SMIM36: variants seen among roughly 807,000 people sequenced by gnomAD.
The protein encoded by SMIM36 is small integral membrane protein 36.
intron 4 of SMIM36, among the ~76,000 whole-genome samples, chr17:55,452,478 T>C (rs1249101406): frequency 6.6e-6 from 1 of 152,178 alleles, no homozygotes; most frequent in Non-Finnish European, 1.5e-5. Flanking sequence ...ACCTCGGCCA[T>C]GGATTTCAAA....
chr17:55,484,583 T>C (rs571150420), intron 1 of SMIM36, among the ~76,000 whole-genome samples: 1 of 152,286 alleles, frequency 6.6e-6, no homozygotes, highest in African/African-American at 2.4e-5. Flanking sequence ...CAGAACCATC[T>C]GGGAAGAATT....
rs1386648245 is a variant in SMIM36 at position 55,503,691 on chromosome 17, A to G, written c.*174+7188T>C. Reference sequence around the variant, plus strand: ...CTAACGAGCAAAATCACCAGCTAACATCATAATGACAGGATCAAATTCACA... The same window carrying G: ...CTAACGAGCAAAATCACCAGCTAACGTCATAATGACAGGATCAAATTCACA... On this transcript the variant is annotated intron_variant, in intron 1 of 4. Coordinates refer to ENST00000636752, the Ensembl canonical transcript of SMIM36. 3.8e-5 allele frequency among the ~76,000 whole-genome samples: 5 copies of G among 130,142 alleles called. No homozygotes were observed. The South Asian group carries it at 1.1e-3, about 29-fold the overall frequency. The allele number at this position is 130,142 out of a possible 152,430, so 85.4% of individuals were successfully genotyped here. A position where few individuals can be genotyped will look rare whatever the true frequency, so the allele number is the denominator to read the frequency against.
At chr17:55,518,277 C>T in the SMIM36 span, among the ~76,000 whole-genome samples, 73,232 of 151,944 alleles carry the variant, frequency 0.48, 17,907 homozygotes, top group Middle Eastern at 0.51. Context: ...ATAACTAACC[C>T]ACTCCCACAA....
chr17:55,471,982 T>A (rs984294270), intron 3 of SMIM36, among the ~76,000 whole-genome samples: 26 of 152,214 alleles, frequency 1.7e-4, no homozygotes, highest in African/African-American at 5.8e-4. Context: ...CCTGTCATAT[T>A]TATTGTCTGC....
At chr17:55,458,943 G>T (rs898861632) in intron 4 of SMIM36, among the ~76,000 whole-genome samples, 1 of 152,226 alleles carries the variant, frequency 6.6e-6, no homozygotes, top group Non-Finnish European at 1.5e-5. Context: ...CTCTGTCCTT[G>T]TGATAAGGAA....
At chr17:55,469,570 A>T (rs1174653999) in intron 3 of SMIM36, among the ~76,000 whole-genome samples, 2 of 152,194 alleles carry the variant, frequency 1.3e-5, no homozygotes, top group Non-Finnish European at 2.9e-5. Context: ...GACTTAATTA[A>T]CCTTGCCTTT....
chr17:55,466,291 A>AAG (rs1216131599), intron 4 of SMIM36, among the ~76,000 whole-genome samples: 1 of 151,222 alleles, frequency 6.6e-6, no homozygotes, highest in Non-Finnish European at 1.5e-5. Context: ...AAAAAAAAAA[A>AAG]AAAAAAAAAA....
At chr17:55,524,468 G>GT in the SMIM36 span, among the ~76,000 whole-genome samples, 1 of 152,064 alleles carries the variant, frequency 6.6e-6, no homozygotes, top group African/African-American at 2.4e-5. Context: ...AATGGTATTT[G>GT]TTTTTTAGCT....
At chr17:55,511,850 C>T (rs1910187453), upstream of SMIM36, among the ~76,000 whole-genome samples, 1 of 152,290 alleles carries the variant, frequency 6.6e-6, no homozygotes, top group Non-Finnish European at 1.5e-5. Flanking sequence ...GAAGAAGATA[C>T]TAGTGCCTGA....
At chr17:55,516,766 G>T in the SMIM36 span, among the ~76,000 whole-genome samples, 1 of 151,914 alleles carries the variant, frequency 6.6e-6, no homozygotes, top group Non-Finnish European at 1.5e-5. Context: ...CACCATATTG[G>T]CCAGGCTGGT....
chr17:55,456,728 A>G (rs1222434099), intron 4 of SMIM36, among the ~76,000 whole-genome samples: 1 of 152,174 alleles, frequency 6.6e-6, no homozygotes, highest in Non-Finnish European at 1.5e-5. Flanking sequence ...TTCAATAAAT[A>G]TTTTTCAATG....
chr17:55,474,743 T>C (rs1397389624), intron 3 of SMIM36, among the ~76,000 whole-genome samples: 1 of 152,168 alleles, frequency 6.6e-6, no homozygotes, highest in Non-Finnish European at 1.5e-5. Flanking sequence ...TTTTGTGGTG[T>C]GCGTGTGGTG....
chr17:55,494,648 T>C (rs1353847418), intron 1 of SMIM36, among the ~76,000 whole-genome samples: 1 of 152,180 alleles, frequency 6.6e-6, no homozygotes, highest in Non-Finnish European at 1.5e-5. Flanking sequence ...TATGTAAGTA[T>C]ATACAAATGT....
chr17:55,451,698 C>G (rs570815854), intron 4 of SMIM36, among the ~76,000 whole-genome samples: 16 of 152,318 alleles, frequency 1.1e-4, no homozygotes, highest in Admixed American at 9.2e-4. Context: ...TTTTCCTAAA[C>G]TGGGCTACCT....
At chr17:55,530,456 A>T in the SMIM36 span, among the ~76,000 whole-genome samples, 6 of 152,290 alleles carry the variant, frequency 3.9e-5, no homozygotes, top group East Asian at 1.2e-3. Flanking sequence ...GAGATTGTAG[A>T]GCTAATTAAT....
intron 1 of SMIM36, among the ~76,000 whole-genome samples, chr17:55,510,076 C>A (rs1007123962): frequency 6.6e-6 from 1 of 152,034 alleles, no homozygotes; most frequent in Non-Finnish European, 1.5e-5. Flanking sequence ...TGAATTAACT[C>A]ATTTAAATAG....
chr17:55,500,463 G>C (rs1216294919), intron 1 of SMIM36, among the ~76,000 whole-genome samples: 1 of 151,730 alleles, frequency 6.6e-6, no homozygotes, highest in African/African-American at 2.4e-5. Context: ...AGATTCTAAG[G>C]CTTCATTTTA....
At chr17:55,460,912 T>G (rs992328984) in intron 4 of SMIM36, among the ~76,000 whole-genome samples, 2 of 152,072 alleles carry the variant, frequency 1.3e-5, no homozygotes, top group Non-Finnish European at 1.5e-5. Flanking sequence ...TATGTAGGAT[T>G]TAAGAATCCA....
In SMIM36 at chr17:55,510,594, T is replaced by TAAAGA. The variant is rs551330724; in HGVS notation, c.*174+280_*174+284dup. Among the ~76,000 whole-genome samples, 19 of 152,174 alleles carry TAAAGA rather than the reference T, an allele frequency of 1.2e-4. No homozygotes were observed. The East Asian group carries it at 3.5e-3, about 28-fold the overall frequency. On this transcript the variant is annotated intron_variant, in intron 1 of 4. Transcript: ENST00000636752. ...GGCAACAGAGCAAGACTCTGTCTCT[T>TAAAGA]AAAGAAAAGAAAAATAACAACAAAA...
Sources: gnomAD v4.1 joint callset for allele counts (sites outside exome capture counted in the v4.1 genomes callset) on GRCh38, gnomAD v4.1.1 for gene constraint, MANE v1.5 for transcripts, NCBI Gene and HGNC (gene_info 2026-07-23, HGNC 2026-07-21) for gene names.